The following ST6GALNAC5 variants were observed in gnomAD, a reference collection of about 807,000 sequenced individuals.
ST6GALNAC5 encodes alpha-N-acetylgalactosaminide alpha-2,6-sialyltransferase 5.
Under a neutral mutation model 33.6 loss-of-function variants are expected in ST6GALNAC5, and 27 were observed. The ratio of observed to expected loss-of-function variants is 0.80; its 90% CI spans 0.59 to 1.11. ST6GALNAC5 has a LOEUF of 1.11. Ranked by LOEUF, ST6GALNAC5 falls within the 50% of genes least tolerant of loss-of-function variation. The probability of loss-of-function intolerance (pLI) is 0.00; values close to 1 mark genes in which losing one functional copy is unlikely to be tolerated. For missense variants in ST6GALNAC5, 428 were observed against 454.0 expected (o/e 0.94, Z 0.52); for synonymous variants, 194 against 171.2 (o/e 1.13, Z -1.04).
At chr1:76,932,257 G>A (rs1162132070) in intron 2 of ST6GALNAC5, among the ~76,000 whole-genome samples, 1 of 152,134 alleles carries the variant, frequency 6.6e-6, no homozygotes, top group Admixed American at 6.6e-5. Flanking sequence ...AATTGTTAAA[G>A]TGAGGTCCGG....
chr1:77,030,509 C>T (rs555403626), intron 2 of ST6GALNAC5, among the ~76,000 whole-genome samples: 59 of 152,140 alleles, frequency 3.9e-4, no homozygotes, highest in Non-Finnish European at 6.0e-4. Flanking sequence ...TTTTTATTGT[C>T]GTCGTCAATA....
At chr1:77,050,196 A>G in intron 3 of ST6GALNAC5, 62 bp from the exon 4 acceptor site, 1 of 1,375,664 alleles carries the variant, frequency 7.3e-7, no homozygotes, top group Non-Finnish European at 1.0e-6. Flanking sequence ...AAAGAATTAA[A>G]GATGGTAGTG....
intron 2 of ST6GALNAC5, among the ~76,000 whole-genome samples, chr1:77,032,152 C>T (rs910667878): frequency 1.3e-5 from 2 of 152,020 alleles, no homozygotes; most frequent in African/African-American, 4.8e-5. Context: ...AGGGGAAGCA[C>T]GTGCAAAGAC....
chr1:76,868,144 C>T lies in ST6GALNAC5; in HGVS notation c.16-353C>T, dbSNP rs1327228505. ...GGAGGGGTGTGAAGGACTCAAAATT[C>T]CAGCAGCTTGGCTGGGGTGGCTGCG... On this transcript the variant is annotated intron_variant, in intron 1 of 4. Transcript: ENST00000477717. The surrounding 1 kb of genome is among the most constrained non-coding windows in gnomAD (Gnocchi z 4.3). Among the ~76,000 whole-genome samples the T allele has an allele frequency of 6.6e-6, 1 of 152,188 alleles. No individual in the cohort carries two copies. Among genetic ancestry groups the T allele is most frequent in the Non-Finnish European group, 1.5e-5 (1 of 68,028 alleles).
At chr1:76,903,257 A>G (rs1047038160) in intron 2 of ST6GALNAC5, among the ~76,000 whole-genome samples, 12 of 152,226 alleles carry the variant, frequency 7.9e-5, no homozygotes, top group African/African-American at 2.9e-4. Flanking sequence ...CATAGAAGGC[A>G]TACAAATAGA....
At chr1:76,969,951 A>T (rs1387807544) in intron 2 of ST6GALNAC5, among the ~76,000 whole-genome samples, 1 of 152,076 alleles carries the variant, frequency 6.6e-6, no homozygotes, top group Non-Finnish European at 1.5e-5. Flanking sequence ...TGACCTGCGG[A>T]TGACTGTTAG....
At chr1:76,883,987 G>T (rs1191410359) in intron 2 of ST6GALNAC5, among the ~76,000 whole-genome samples, 1 of 152,178 alleles carries the variant, frequency 6.6e-6, no homozygotes, top group Non-Finnish European at 1.5e-5. Context: ...GTCTTTAAAA[G>T]GTAAATTAGA....
chr1:76,932,500 C>T (rs750010187), intron 2 of ST6GALNAC5, among the ~76,000 whole-genome samples: 4 of 152,032 alleles, frequency 2.6e-5, no homozygotes, highest in African/African-American at 4.8e-5. Context: ...GGTAAAACTG[C>T]TGATGGTAAT....
intron 2 of ST6GALNAC5, among the ~76,000 whole-genome samples, chr1:76,962,023 G>A (rs1229629984): frequency 2.0e-5 from 3 of 152,174 alleles, no homozygotes; most frequent in Non-Finnish European, 4.4e-5. Flanking sequence ...AAAGCAACTG[G>A]TGAGGGCTAA....
intron 2 of ST6GALNAC5, among the ~76,000 whole-genome samples, chr1:76,927,472 C>T (rs141362523): frequency 1.9e-3 from 282 of 152,038 alleles, no homozygotes; most frequent in African/African-American, 6.4e-3. Flanking sequence ...TCCTTTATCA[C>T]TATTGGGAAA....
At chr1:76,895,670 A>G (rs1235911944) in intron 2 of ST6GALNAC5, among the ~76,000 whole-genome samples, 2 of 152,210 alleles carry the variant, frequency 1.3e-5, no homozygotes, top group African/African-American at 2.4e-5. Context: ...ACCAGGAGAT[A>G]TCAGCTGTGA....
intron 2 of ST6GALNAC5, among the ~76,000 whole-genome samples, chr1:76,908,676 A>G (rs566971598): frequency 4.3e-4 from 65 of 151,616 alleles, no homozygotes; most frequent in African/African-American, 1.4e-3. Flanking sequence ...AGCACCTTCC[A>G]CTCCCTTCAC....
chr1:76,887,415 T>G (rs1445800856), intron 2 of ST6GALNAC5, among the ~76,000 whole-genome samples: 1 of 152,204 alleles, frequency 6.6e-6, no homozygotes, highest in Non-Finnish European at 1.5e-5. Flanking sequence ...TTTGTTTTGC[T>G]GAAATTAAAA....
At chr1:77,050,198 A>G (rs1350741036) in intron 3 of ST6GALNAC5, 60 bp from the exon 4 acceptor site, 1 of 1,380,850 alleles carries the variant, frequency 7.2e-7, no homozygotes. Flanking sequence ...AGAATTAAAG[A>G]TGGTAGTGGG....
chr1:77,020,276 T>G (rs1048923965), intron 2 of ST6GALNAC5, among the ~76,000 whole-genome samples: 1 of 152,218 alleles, frequency 6.6e-6, no homozygotes, highest in African/African-American at 2.4e-5. Flanking sequence ...CATTTGAGAC[T>G]GGGGTCTTGC....
At chr1:77,012,913 T>A (rs193149447) in intron 2 of ST6GALNAC5, among the ~76,000 whole-genome samples, 1 of 152,306 alleles carries the variant, frequency 6.6e-6, no homozygotes, top group Admixed American at 6.5e-5. Context: ...TAGACATGTT[T>A]GAGAATTCCT....
chr1:77,060,506 A>G (rs867917269), intron 4 of ST6GALNAC5, among the ~76,000 whole-genome samples: 4 of 152,180 alleles, frequency 2.6e-5, no homozygotes, highest in Non-Finnish European at 2.9e-5. Context: ...CAGCTGGGGT[A>G]GATGTTCCTG....
intron 2 of ST6GALNAC5, among the ~76,000 whole-genome samples, chr1:76,981,342 T>G (rs561443292): frequency 6.6e-6 from 1 of 152,336 alleles, no homozygotes; most frequent in Non-Finnish European, 1.5e-5. Context: ...TTCTCTCCTG[T>G]GCCTGGCTCG....
intron 2 of ST6GALNAC5, among the ~76,000 whole-genome samples, chr1:76,877,664 G>GTC (rs1653677833): frequency 1.3e-5 from 2 of 152,210 alleles, no homozygotes; most frequent in Non-Finnish European, 2.9e-5. Flanking sequence ...TCACCAATAA[G>GTC]TCCAGTGTGT....
Sources: gnomAD v4.1 joint callset for allele counts (sites outside exome capture counted in the v4.1 genomes callset) on GRCh38, gnomAD v4.1.1 for gene constraint, Gnocchi (gnomAD v3.1) non-coding constraint, MANE v1.5 for transcripts, NCBI Gene and HGNC (gene_info 2026-07-23, HGNC 2026-07-21) for gene names.